USP12: variants seen among roughly 807,000 people sequenced by gnomAD.
USP12 encodes ubiquitin carboxyl-terminal hydrolase 12.
A neutral mutation model predicts 45.5 loss-of-function variants in USP12; 19 were observed. That is an observed-to-expected ratio of 0.42 (90% CI 0.29 to 0.61). The LOEUF (loss-of-function observed/expected upper bound fraction) is 0.61. USP12 is among the 20% of genes least tolerant of loss of function. The pLI is 0.22. For missense variants in USP12, 242 were observed against 447.7 expected (o/e 0.54, Z 4.15); for synonymous variants, 149 against 148.8 (o/e 1.00, Z -0.01).
At chr13:27,124,868 C>T (rs1377552534) in intron 1 of USP12, among the ~76,000 whole-genome samples, 1 of 152,174 alleles carries the variant, frequency 6.6e-6, no homozygotes. Flanking sequence ...TGCCCAGAAA[C>T]TGAATCAAAG....
intron 4 of USP12, among the ~76,000 whole-genome samples, chr13:27,091,198 A>T (rs886581622): frequency 6.6e-6 from 1 of 152,242 alleles, no homozygotes; most frequent in Non-Finnish European, 1.5e-5. Context: ...AGGAAAACAC[A>T]TCAATTTTGT....
At chr13:27,104,751 TAC>T (rs1315332298) in intron 3 of USP12, among the ~76,000 whole-genome samples, 3 of 152,208 alleles carry the variant, frequency 2.0e-5, no homozygotes, top group African/African-American at 4.8e-5. Flanking sequence ...ATTCACTGTG[TAC>T]AGTGTCAACT....
At chr13:27,164,163 A>G (rs1878248147) in intron 1 of USP12, among the ~76,000 whole-genome samples, 2 of 152,184 alleles carry the variant, frequency 1.3e-5, no homozygotes, top group South Asian at 4.1e-4. Context: ...AAATAAAATC[A>G]AAGGCAACAG....
intron 6 of USP12, among the ~76,000 whole-genome samples, chr13:27,088,397 A>G (rs536391091): frequency 7.1e-6 from 1 of 141,488 alleles, no homozygotes; most frequent in Admixed American, 7.3e-5. Context: ...AGCCTGGGCG[A>G]CAGAGCGAGA....
chr13:27,136,745 A>T (rs920565319), intron 1 of USP12, among the ~76,000 whole-genome samples: 2 of 152,202 alleles, frequency 1.3e-5, no homozygotes, highest in Non-Finnish European at 2.9e-5. Flanking sequence ...TATGGTCCAT[A>T]TGCTCAGGGA....
In USP12 at chr13:27,126,756, C is replaced by G. The variant is rs75960433; in HGVS notation, c.49-10160G>C. Among the ~76,000 whole-genome samples, 47 of 152,258 alleles carry G rather than the reference C, an allele frequency of 3.1e-4. 1 individual carries two copies. The East Asian group carries it at 8.9e-3, about 29-fold the overall frequency. ...AAATAGCAGCACTACTGTAGAGTTA[C>G]CAAAGTTTAAATTTAGAACAAATAT... On this transcript the variant is annotated intron_variant, in intron 1 of 8. Coordinates refer to ENST00000282344, the MANE Select transcript of USP12 (RefSeq NM_182488.4).
At chr13:27,116,933 G>A (rs548953214) in intron 1 of USP12, among the ~76,000 whole-genome samples, 11 of 152,146 alleles carry the variant, frequency 7.2e-5, no homozygotes, top group Admixed American at 3.3e-4. Context: ...TCTGATGTTC[G>A]CATGCACAAT....
Position 27,069,083 on chromosome 13 carries a change from A to G in USP12, c.*200T>C. ...TGTTGTATGGAACTGTACAGACAGC[A>G]TGATACCTGAGCAAATAAATCAACT... On this transcript the variant is annotated 3_prime_UTR_variant, in exon 9 of 9. Transcript: ENST00000282344. The G allele has an allele frequency of 1.6e-6, 1 of 606,082 alleles. No individual in the cohort carries two copies. Among genetic ancestry groups the G allele is most frequent in the East Asian group, 2.8e-5 (1 of 35,710 alleles). 37.5% of individuals were successfully genotyped at this position (606,082 alleles called of 1,614,324 possible).
intron 3 of USP12, among the ~76,000 whole-genome samples, chr13:27,103,607 A>AAAAAAATAAT (rs372985958): frequency 0.014 from 1,779 of 128,464 alleles, 22 homozygotes; most frequent in Middle Eastern, 0.028. Flanking sequence ...TCAAAAAAAA[A>AAAAAAATAAT]AATAATAATA....
At chr13:27,117,628 T>TGTGTGTG in intron 1 of USP12, 30 of 350,166 alleles carry the variant, frequency 8.6e-5, no homozygotes, top group South Asian at 2.3e-4. Context: ...TGTGTGTGTG[T>TGTGTGTG]TTAATAGCAC....
intron 8 of USP12, among the ~76,000 whole-genome samples, chr13:27,070,154 C>CT (rs1873176030): frequency 1.3e-5 from 2 of 152,168 alleles, no homozygotes; most frequent in Non-Finnish European, 2.9e-5. Context: ...CCGCAGGCAA[C>CT]AAGAATGCAT....
intron 1 of USP12, among the ~76,000 whole-genome samples, chr13:27,166,216 C>A (rs1225640818): frequency 2.6e-5 from 4 of 152,006 alleles, no homozygotes; most frequent in African/African-American, 9.7e-5. Context: ...AAATACATAA[C>A]AAAATACCAT....
Position 27,095,698 on chromosome 13 carries a change from T to A in USP12, c.476A>T (p.Asp159Val). The A allele has an allele frequency of 6.2e-7, 1 of 1,613,260 alleles. No individual in the cohort carries two copies. The change falls in exon 4 of 9, where the codon GAT becomes GTT. Residue 159 changes from aspartate (D) to valine (V), a missense_variant. Transcript: ENST00000282344. ...QNGRLPNGNI[D>V]NENNNSTPDP... ...TGGTGTGCTGTTATTATTTTCATTA[T>A]CAATATTACCATTAGGTAAACGACC...
chr13:27,072,808 C>T (rs776442770), intron 7 of USP12, among the ~76,000 whole-genome samples: 30 of 151,842 alleles, frequency 2.0e-4, no homozygotes, highest in Admixed American at 4.6e-4. Context: ...GGCTGGGCAC[C>T]GGGGACAGAG....
At chr13:27,155,973 TA>T (rs533155805) in intron 1 of USP12, among the ~76,000 whole-genome samples, 110 of 152,116 alleles carry the variant, frequency 7.2e-4, no homozygotes, top group South Asian at 2.1e-3. Flanking sequence ...AAATATTTCT[TA>T]AAAAAAACCT....
chr13:27,084,601 T>C (rs1873926638), intron 6 of USP12, among the ~76,000 whole-genome samples: 1 of 152,178 alleles, frequency 6.6e-6, no homozygotes, highest in Admixed American at 6.5e-5. Context: ...TTTATTCTTT[T>C]TCGTGTGGAT....
chr13:27,142,493 G>C (rs535798717), intron 1 of USP12, among the ~76,000 whole-genome samples: 18 of 152,170 alleles, frequency 1.2e-4, no homozygotes, highest in Non-Finnish European at 2.2e-4. Context: ...GAAAGAGAAT[G>C]TCCCTGTTAC....
At chr13:27,164,675 A>T (rs17085251) in intron 1 of USP12, among the ~76,000 whole-genome samples, 6,015 of 152,296 alleles carry the variant, frequency 0.039, 156 homozygotes, top group Admixed American at 0.075. Flanking sequence ...GTCAAATGTT[A>T]TATGTAAGTT....
chr13:27,089,905 T>C lies in USP12; in HGVS notation c.712A>G (p.Ser238Gly), dbSNP rs1265979585. The change falls in exon 6 of 9, where the codon AGC becomes GGC. Residue 238 changes from serine (S) to glycine (G), a missense_variant. Around this residue, in one of 5 missense-constraint regions of USP12, gnomAD observed 94 missense variants for 168.3 expected, o/e 0.56. Coordinates refer to ENST00000282344, the MANE Select transcript of USP12 (RefSeq NM_182488.4). The part of the protein sequence containing the change: ...EYKYYCEECR[S>G]KQEAHKRMKV... The stretch of plus-strand genomic sequence containing the variant: ...TACCGTTTGTGTGCTTCCTGTTTGC[T>C]GCGACACTCTTCACAGTAATACTTG... The C allele has an allele frequency of 6.2e-7, 1 of 1,610,704 alleles. No individual in the cohort carries two copies. Among genetic ancestry groups the C allele is most frequent in the Non-Finnish European group, 8.5e-7 (1 of 1,178,668 alleles).
Sources: gnomAD v4.1 joint callset for allele counts (sites outside exome capture counted in the v4.1 genomes callset) on GRCh38, gnomAD v4.1.1 for gene constraint, gnomAD v4.1.1 regional missense constraint, MANE v1.5 for transcripts, NCBI Gene and HGNC (gene_info 2026-07-23, HGNC 2026-07-21) for gene names.